The following NPAS3 variants were observed in gnomAD, a reference collection of about 807,000 sequenced individuals.
NPAS3 encodes the protein neuronal PAS domain-containing protein 3.
Under a neutral mutation model 73.1 loss-of-function variants are expected in NPAS3, and 14 were observed. That is an observed-to-expected ratio of 0.19 (90% CI 0.13 to 0.30). The LOEUF (loss-of-function observed/expected upper bound fraction) is 0.30. Ranked by LOEUF, NPAS3 falls within the 10% of genes least tolerant of loss-of-function variation. The pLI is 1.00. For missense variants in NPAS3, 1,096 were observed against 1,250.0 expected (o/e 0.88, Z 1.86); for synonymous variants, 620 against 541.5 (o/e 1.14, Z -2.01).
At chr14:33,429,077 A>AT (rs1297543916) in intron 4 of NPAS3, among the ~76,000 whole-genome samples, 1 of 152,148 alleles carries the variant, frequency 6.6e-6, no homozygotes, top group Non-Finnish European at 1.5e-5. Context: ...TGGAGATAAG[A>AT]GAGTGTTCCT....
chr14:33,294,661 G>A (rs957515999), intron 3 of NPAS3, among the ~76,000 whole-genome samples: 1 of 152,266 alleles, frequency 6.6e-6, no homozygotes, highest in Non-Finnish European at 1.5e-5. Flanking sequence ...ACTATTTAGA[G>A]TAAAAATCTA....
chr14:33,540,667 G>A (rs966999169), intron 4 of NPAS3, among the ~76,000 whole-genome samples: 13 of 152,252 alleles, frequency 8.5e-5, no homozygotes, highest in Middle Eastern at 6.8e-3. Context: ...AAGAGAAGGG[G>A]GAAAAATGGG....
At chr14:33,664,166 C>CA (rs1484749943) in intron 5 of NPAS3, among the ~76,000 whole-genome samples, 2 of 152,140 alleles carry the variant, frequency 1.3e-5, no homozygotes, top group African/African-American at 4.8e-5. Context: ...GGTACCAAAA[C>CA]AGATATACAG....
intron 4 of NPAS3, among the ~76,000 whole-genome samples, chr14:33,479,437 A>G (rs1309888046): frequency 6.6e-6 from 1 of 152,146 alleles, no homozygotes; most frequent in East Asian, 1.9e-4. Flanking sequence ...CTAGATGCTT[A>G]TCTAGACCAC....
chr14:33,110,448 T>C (rs1293831648), intron 2 of NPAS3, among the ~76,000 whole-genome samples: 2 of 152,218 alleles, frequency 1.3e-5, no homozygotes, highest in Admixed American at 1.3e-4. Flanking sequence ...TTTAATTTTC[T>C]CATTGCTGAA....
At chr14:33,533,561 G>A (rs1772034565) in intron 4 of NPAS3, among the ~76,000 whole-genome samples, 1 of 152,070 alleles carries the variant, frequency 6.6e-6, no homozygotes, top group South Asian at 2.1e-4. Flanking sequence ...GGCAAAAAGA[G>A]CAATTTCTCA....
intron 4 of NPAS3, among the ~76,000 whole-genome samples, chr14:33,518,885 A>C (rs993575789): frequency 6.6e-6 from 1 of 152,222 alleles, no homozygotes; most frequent in Non-Finnish European, 1.5e-5. Context: ...TTGTGGTCTT[A>C]TTTGTTATTT....
At chr14:33,345,770 A>G (rs895121748) in intron 3 of NPAS3, among the ~76,000 whole-genome samples, 1 of 152,154 alleles carries the variant, frequency 6.6e-6, no homozygotes, top group African/African-American at 2.4e-5. Flanking sequence ...TGAGACCACA[A>G]ATTTTTCTCC....
intron 4 of NPAS3, among the ~76,000 whole-genome samples, chr14:33,545,507 T>C (rs1030261755): frequency 6.6e-6 from 1 of 152,168 alleles, no homozygotes; most frequent in East Asian, 1.9e-4. Flanking sequence ...GAGAAAACAG[T>C]GAAGTTGTTA....
intron 7 of NPAS3, among the ~76,000 whole-genome samples, chr14:33,767,937 C>A (rs2140864837): frequency 6.6e-6 from 1 of 152,282 alleles, no homozygotes; most frequent in Middle Eastern, 3.4e-3. Context: ...GAGCATATGG[C>A]AGGAACAGAA....
intron 2 of NPAS3, among the ~76,000 whole-genome samples, chr14:33,176,252 T>A (rs2045586206): frequency 6.6e-6 from 1 of 152,226 alleles, no homozygotes; most frequent in Non-Finnish European, 1.5e-5. Flanking sequence ...CCATTTAACC[T>A]TTTTATGTAT....
At chr14:33,620,808 C>G (rs1405651825) in intron 5 of NPAS3, among the ~76,000 whole-genome samples, 2 of 152,126 alleles carry the variant, frequency 1.3e-5, no homozygotes, top group East Asian at 1.9e-4. Flanking sequence ...GACTAATAAA[C>G]AGGCAATCAT....
intron 3 of NPAS3, among the ~76,000 whole-genome samples, chr14:33,284,337 T>C (rs2140077977): frequency 6.6e-6 from 1 of 152,244 alleles, no homozygotes; most frequent in African/African-American, 2.4e-5. Context: ...TATTTTTTTT[T>C]TTAAAGATTC....
intron 4 of NPAS3, among the ~76,000 whole-genome samples, chr14:33,531,538 T>G (rs2054043798): frequency 6.6e-6 from 1 of 152,146 alleles, no homozygotes; most frequent in Non-Finnish European, 1.5e-5. Flanking sequence ...CTGAGTGGTA[T>G]GCCTATGTAC....
intron 1 of NPAS3, among the ~76,000 whole-genome samples, chr14:33,007,599 G>C (rs990706507): frequency 3.3e-5 from 5 of 152,090 alleles, no homozygotes; most frequent in Non-Finnish European, 7.4e-5. Flanking sequence ...ATTTTTGTTT[G>C]GTTTTTAGAA....
At chr14:33,735,303 G>T in exon 7 of NPAS3, 1 of 1,613,344 alleles carries the variant, frequency 6.2e-7, no homozygotes, top group Non-Finnish European at 8.5e-7. Context: ...GACCAAACGC[G>T]GTGTGCACAT....
At chr14:33,762,158 T>A (rs984881813) in intron 7 of NPAS3, among the ~76,000 whole-genome samples, 3 of 152,264 alleles carry the variant, frequency 2.0e-5, no homozygotes, top group Admixed American at 6.5e-5. Flanking sequence ...GTATAACTAC[T>A]CTATATTCAC....
At chr14:33,492,058 T>A (rs2139822642) in intron 4 of NPAS3, among the ~76,000 whole-genome samples, 1 of 152,282 alleles carries the variant, frequency 6.6e-6, no homozygotes, top group Admixed American at 6.5e-5. Context: ...GTCAAGATAG[T>A]CCTATAATCA....
chr14:33,537,996 G>T (rs1229426990), intron 4 of NPAS3, among the ~76,000 whole-genome samples: 2 of 152,164 alleles, frequency 1.3e-5, no homozygotes, highest in South Asian at 2.1e-4. Flanking sequence ...AGTCTTCCCT[G>T]CCCATAAGCT....
Sources: allele counts gnomAD v4.1 joint callset (sites outside exome capture counted in the v4.1 genomes callset), GRCh38; gene constraint gnomAD v4.1.1; transcripts MANE v1.5; gene names NCBI Gene and HGNC (gene_info 2026-07-23, HGNC 2026-07-21).